Variants in TAOK1 observed in about 807,000 individuals in gnomAD.
The protein encoded by TAOK1 is TAO kinase 1.
A neutral mutation model predicts 138.3 loss-of-function variants in TAOK1; 21 were observed. The observed-to-expected ratio is 0.15, with a 90% CI of 0.11 to 0.22. The LOEUF (loss-of-function observed/expected upper bound fraction) is 0.22. Among genes scored for constraint, TAOK1 ranks in the 10% least tolerant of loss-of-function variants. TAOK1 has a pLI of 1.00. For missense variants in TAOK1, 651 were observed against 1,227.7 expected, an observed-to-expected ratio of 0.53 and a Z score of 7.02; for synonymous variants, 361 against 398.4, an observed-to-expected ratio of 0.91 and a Z score of 1.12.
chr17:29,445,097 G>A (rs548961202), intron 1 of TAOK1, among the ~76,000 whole-genome samples: 1 of 152,228 alleles, frequency 6.6e-6, no homozygotes, highest in East Asian at 1.9e-4. Flanking sequence ...GGATATCATT[G>A]CCTTCTTTAT....
At chr17:29,393,298 A>G (rs560234328) in intron 1 of TAOK1, among the ~76,000 whole-genome samples, 2 of 152,222 alleles carry the variant, frequency 1.3e-5, no homozygotes, top group Non-Finnish European at 2.9e-5. Context: ...AATAGAGGCT[A>G]CAAAACTTAA....
At chr17:29,523,839 C>T (rs79783547) in intron 17 of TAOK1, among the ~76,000 whole-genome samples, 1,628 of 152,262 alleles carry the variant, frequency 0.011, 34 homozygotes, top group African/African-American at 0.037. Context: ...CTCCTGTACT[C>T]CTACCCAGCC....
At chr17:29,396,644 A>G (rs1904609491) in intron 1 of TAOK1, among the ~76,000 whole-genome samples, 1 of 152,222 alleles carries the variant, frequency 6.6e-6, no homozygotes, top group Non-Finnish European at 1.5e-5. Flanking sequence ...ATTATCAAAT[A>G]ATAGGATGGA....
intron 7 of TAOK1, among the ~76,000 whole-genome samples, chr17:29,480,868 T>C (rs1475998449): frequency 3.9e-5 from 1 of 25,816 alleles, no homozygotes; most frequent in Non-Finnish European, 6.1e-5. Flanking sequence ...AGACCCTGTC[T>C]CTCAAAAAAA....
At chr17:29,487,377 T>C (rs2031195682) in intron 8 of TAOK1, among the ~76,000 whole-genome samples, 1 of 152,166 alleles carries the variant, frequency 6.6e-6, no homozygotes, top group African/African-American at 2.4e-5. Flanking sequence ...AGTAAATTTA[T>C]TGTTTTCAAA....
intron 1 of TAOK1, among the ~76,000 whole-genome samples, chr17:29,411,093 T>TTG (rs1905132021): frequency 7.3e-6 from 1 of 137,294 alleles, no homozygotes; most frequent in African/African-American, 2.7e-5. Flanking sequence ...TTACTGTTTT[T>TTG]TTTTTTTTTT....
At chr17:29,474,928 G>GTTAT (rs912880909) in intron 3 of TAOK1, among the ~76,000 whole-genome samples, 15 of 151,740 alleles carry the variant, frequency 9.9e-5, no homozygotes, top group Admixed American at 5.3e-4. Context: ...GTATATGAAT[G>GTTAT]TTATTTATTT....
At position 29,543,685 on chromosome 17, in the gene TAOK1, G is replaced by A. The variant is rs914183667; in HGVS notation, c.*663G>A. 7.2e-5 allele frequency: 11 copies of A among 152,306 alleles called. No homozygotes were observed. The highest frequency in any genetic ancestry group is 1.3e-4 in the Non-Finnish European group (9 of 68,012). The allele number at this position is 152,306 out of a possible 1,614,324, so 9.4% of individuals were successfully genotyped here. ...TCCATGAACACTAAAGGACTTCATT[G>A]ATTTTTTCAGAGAGTAGAAAACAAC... On this transcript the variant is annotated 3_prime_UTR_variant, in exon 20 of 20. Transcript: ENST00000261716.
intron 1 of TAOK1, among the ~76,000 whole-genome samples, chr17:29,427,891 A>G (rs952226093): frequency 6.7e-6 from 1 of 149,306 alleles, no homozygotes; most frequent in Admixed American, 6.8e-5. Flanking sequence ...GCGCCACTGC[A>G]CTCCAGCCTG....
intron 1 of TAOK1, among the ~76,000 whole-genome samples, chr17:29,425,495 A>G (rs953373810): frequency 6.6e-6 from 1 of 152,192 alleles, no homozygotes; most frequent in African/African-American, 2.4e-5. Flanking sequence ...CCTGGGCAGC[A>G]TGGCGATACC....
intron 1 of TAOK1, among the ~76,000 whole-genome samples, chr17:29,412,775 C>T (rs1229593708): frequency 6.6e-6 from 1 of 152,110 alleles, no homozygotes; most frequent in Non-Finnish European, 1.5e-5. Context: ...ATTTATACAA[C>T]GAAAGTAAAA....
At chr17:29,428,193 TC>T (rs1905707255) in intron 1 of TAOK1, among the ~76,000 whole-genome samples, 1 of 152,096 alleles carries the variant, frequency 6.6e-6, no homozygotes, top group African/African-American at 2.4e-5. Context: ...AGGTAATATC[TC>T]AAAAGGAAAT....
intron 2 of TAOK1, among the ~76,000 whole-genome samples, chr17:29,457,379 A>G (rs943111789): frequency 4.2e-5 from 6 of 141,976 alleles, no homozygotes; most frequent in African/African-American, 1.6e-4. Context: ...CTGGGATTAC[A>G]GGCGTGAGCC....
chr17:29,440,653 G>T (rs1282502527), intron 1 of TAOK1, among the ~76,000 whole-genome samples: 1 of 151,136 alleles, frequency 6.6e-6, no homozygotes, highest in Non-Finnish European at 1.5e-5. Context: ...TCAGCTTACT[G>T]CAGCCTCTGC....
At chr17:29,484,738 G>A (rs1170611097) in intron 8 of TAOK1, among the ~76,000 whole-genome samples, 2 of 152,032 alleles carry the variant, frequency 1.3e-5, no homozygotes, top group Non-Finnish European at 2.9e-5. Context: ...CCAAGTAGCT[G>A]GGACTATGGG....
chr17:29,473,166 G>A (rs1266072289), intron 3 of TAOK1, among the ~76,000 whole-genome samples: 4 of 152,180 alleles, frequency 2.6e-5, no homozygotes, highest in African/African-American at 9.6e-5. Context: ...CAGAGTAGGA[G>A]TTTTGGAATG....
At chr17:29,440,921 G>GTTTA (rs2029924560) in intron 1 of TAOK1, among the ~76,000 whole-genome samples, 5 of 152,100 alleles carry the variant, frequency 3.3e-5, no homozygotes, top group Non-Finnish European at 7.4e-5. Flanking sequence ...TATCAAATGC[G>GTTTA]TTTTCCATAT....
At chr17:29,422,010 GC>G (rs1419750663) in intron 1 of TAOK1, among the ~76,000 whole-genome samples, 38 of 151,852 alleles carry the variant, frequency 2.5e-4, no homozygotes, top group Non-Finnish European at 5.0e-4. Context: ...CCATTCTCCT[GC>G]CTCAGCCTCC....
In TAOK1 at chr17:29,452,838, A is replaced by G. The variant is rs114508690; in HGVS notation, c.132+1158A>G. On this transcript the variant is annotated intron_variant, in intron 2 of 19. Transcript: ENST00000261716. ...CTTCATTCTTCTTTATAGCTGAATAATATTCCATTGTATATTAAACCATAA... is the reference window on the plus strand; with the variant it reads ...CTTCATTCTTCTTTATAGCTGAATAGTATTCCATTGTATATTAAACCATAA... 2.5e-3 allele frequency among the ~76,000 whole-genome samples: 374 copies of G among 152,344 alleles called. 3 individuals carry two copies. Among genetic ancestry groups the G allele is most frequent in the African/African-American group, 8.1e-3 (336 of 41,586 alleles).
Sources: allele counts gnomAD v4.1 joint callset (sites outside exome capture counted in the v4.1 genomes callset), GRCh38; gene constraint gnomAD v4.1.1; transcripts MANE v1.5; gene names NCBI Gene and HGNC (gene_info 2026-07-23, HGNC 2026-07-21).